The following LCT variants were observed in gnomAD, a reference collection of about 807,000 sequenced individuals.
LCT encodes lactase/phlorizin hydrolase.
In LCT, 90 loss-of-function variants were observed where a neutral mutation model predicts 173.0. That is an observed-to-expected ratio of 0.52 (90% confidence interval 0.44 to 0.62). The LOEUF is 0.62. Among genes scored for constraint, LCT ranks in the 20% least tolerant of loss-of-function variants. The pLI is 0.00. For missense variants in LCT, 1,864 were observed against 2,431.4 expected, an observed-to-expected ratio of 0.77 and a Z score of 4.91; for synonymous variants, 853 against 957.6, an observed-to-expected ratio of 0.89 and a Z score of 2.02.
intron 12 of LCT, among the ~76,000 whole-genome samples, chr2:135,799,768 C>T (rs1334681285): frequency 6.6e-6 from 1 of 152,154 alleles, no homozygotes; most frequent in Non-Finnish European, 1.5e-5. Context: ...AGTAATGTCT[C>T]TACTTCCTTG....
chr2:135,829,813 T>A, intron 2 of LCT, 137 bp from the exon 3 acceptor site: 1 of 647,566 alleles, frequency 1.5e-6, no homozygotes, highest in South Asian at 1.5e-5. Flanking sequence ...AAGGAAAAGA[T>A]GGAGATGGAA....
At chr2:135,824,829 C>G (rs1263713640) in intron 3 of LCT, among the ~76,000 whole-genome samples, 1 of 151,372 alleles carries the variant, frequency 6.6e-6, no homozygotes. Flanking sequence ...ATGGTGAAAC[C>G]CTGTCTTTAT....
chr2:135,793,583 G>T (rs564488511), intron 14 of LCT, among the ~76,000 whole-genome samples: 54 of 152,198 alleles, frequency 3.5e-4, no homozygotes, highest in South Asian at 1.2e-3. Context: ...ACCCCCAAAA[G>T]GTCGCACTAA....
chr2:135,835,976 GTATA>G lies in LCT; in HGVS notation c.640+550_640+553del, dbSNP rs745860913. 4.2e-3 allele frequency among the ~76,000 whole-genome samples: 341 copies of G among 80,400 alleles called. 3 individuals are homozygous for G. The highest frequency in any genetic ancestry group is 0.022 in the African/African-American group (330 of 14,984). 52.7% of individuals were successfully genotyped at this position (80,400 alleles called of 152,430 possible). A position where few individuals can be genotyped will look rare whatever the true frequency, so the allele number is the denominator to read the frequency against. On this transcript the variant is annotated intron_variant, in intron 1 of 16. Transcript: ENST00000264162. ...AGGGGTATTTCAAAAATACATGTGT[GTATA>G]TATATATATATATATATATATATAT...
chr2:135,837,044 G>C lies in LCT; in HGVS notation c.126C>G (p.Asn42Lys). The change falls in exon 1 of 17, where the codon AAC (asparagine) becomes AAG (lysine). Residue 42 changes from asparagine (N) to lysine (K), a missense_variant. Coordinates refer to ENST00000264162, the MANE Select transcript of LCT (RefSeq NM_002299.4). ...TCTGGTCTCCCAGGAGACCACTCAGGTTGTGCAGCAAGTCATTGGTTAGAG... is the reference window on the plus strand; with the variant it reads ...TCTGGTCTCCCAGGAGACCACTCAGCTTGTGCAGCAAGTCATTGGTTAGAG... ...AGPLTNDLLH[N>K]LSGLLGDQSS... is the part of the protein sequence containing the mutation. 1.9e-6 allele frequency: 3 copies of C among 1,614,104 alleles called. No individual in the cohort carries two copies. The highest frequency in any genetic ancestry group is 2.5e-6 in the Non-Finnish European group (3 of 1,180,010).
At chr2:135,801,872 C>T (rs1392005738) in intron 11 of LCT, among the ~76,000 whole-genome samples, 1 of 151,942 alleles carries the variant, frequency 6.6e-6, no homozygotes, top group African/African-American at 2.4e-5. Context: ...CCATACTCGG[C>T]CTATGATTAT....
chr2:135,819,609 G>A (rs1360373692), intron 5 of LCT, among the ~76,000 whole-genome samples: 1 of 152,134 alleles, frequency 6.6e-6, no homozygotes, highest in African/African-American at 2.4e-5. Flanking sequence ...AGCAGGAGGC[G>A]TCTTCCGAAC....
chr2:135,790,757 A>C lies in LCT; in HGVS notation c.5236T>G (p.Tyr1746Asp). Residue 1746 changes from tyrosine (Y) to aspartate (D), a missense_variant, in exon 15 of 17, where the codon TAT (tyrosine) becomes GAT (aspartate). Transcript: ENST00000264162. The surrounding 1 kb of genome is among the most constrained non-coding windows in gnomAD (Gnocchi z 4.1). ...LKEEYNDPPI[Y>D]VTENGVSQRE... ...TGGGACACTCCATTCTCTGTGACATAAATTGGAGGGTCATTGTATTCCTCC... is the reference window on the plus strand; with the variant it reads ...TGGGACACTCCATTCTCTGTGACATCAATTGGAGGGTCATTGTATTCCTCC... 6.2e-7 allele frequency: 1 copy of C among 1,613,808 alleles called. No individual in the cohort carries two copies. The highest frequency in any genetic ancestry group is 1.3e-5 in the African/African-American group (1 of 75,022).
intron 1 of LCT, among the ~76,000 whole-genome samples, chr2:135,835,118 G>C (rs2077975285): frequency 6.6e-6 from 1 of 151,632 alleles, no homozygotes; most frequent in Admixed American, 6.6e-5. Context: ...GAATGTCATT[G>C]CAACATAACT....
In LCT at chr2:135,788,122, C is replaced by CT. The variant is rs1449917678; in HGVS notation, c.*201dup. ...TGCTTCTCAAATGCCCAAATGAACTCTGATACTGGAGCAAGATGGAGATAT... is the reference window on the plus strand; with the variant it reads ...TGCTTCTCAAATGCCCAAATGAACTCTTGATACTGGAGCAAGATGGAGATAT... On this transcript the variant is annotated 3_prime_UTR_variant, in exon 17 of 17. Coordinates refer to ENST00000264162, the MANE Select transcript of LCT (RefSeq NM_002299.4). 4.9e-5 allele frequency: 30 copies of CT among 611,140 alleles called. No homozygotes were observed. In the East Asian group the frequency reaches 6.9e-4, roughly 14 times the overall value. 37.9% of individuals were successfully genotyped at this position (611,140 alleles called of 1,614,324 possible). A position where few individuals can be genotyped will look rare whatever the true frequency, so the allele number is the denominator to read the frequency against.
intron 12 of LCT, 85 bp downstream of exon 12, chr2:135,800,521 TA>T: frequency 8.4e-7 from 1 of 1,195,528 alleles, no homozygotes; most frequent in Non-Finnish European, 1.2e-6. Flanking sequence ...CACCACACCC[TA>T]AATCTTTGAT....
chr2:135,821,592 GA>G (rs748420475), intron 5 of LCT: 1 of 203,800 alleles, frequency 4.9e-6, no homozygotes, highest in Non-Finnish European at 1.0e-5. Context: ...GCGATCCTCT[GA>G]CCTCAGTCTC....
At position 135,812,321 on chromosome 2, in the gene LCT, C is replaced by T; in HGVS notation, c.2343G>A (p.Glu781=). 1 of 1,613,450 alleles carries T rather than the reference C, an allele frequency of 6.2e-7. No individual in the cohort carries two copies. The highest frequency in any genetic ancestry group is 8.5e-7 in the Non-Finnish European group (1 of 1,179,360). ...ATCCATTGTTCTTACCCTTGAGCAC[C>T]TCATTGATATATTGATTGAAGTAGT... ...RVDYFNQYIN[E]VLKAIKEDSV... The change falls in exon 7 of 17, where the codon GAG becomes GAA. Residue 781 remains glutamate (E), a synonymous_variant. Transcript: ENST00000264162.
intron 15 of LCT, 106 bp from the exon 16 acceptor site, chr2:135,789,904 C>G: frequency 5.8e-6 from 5 of 866,818 alleles, no homozygotes; most frequent in Non-Finnish European, 9.9e-6. Context: ...ACCGCCTTCA[C>G]AGATGGCGGT....
chr2:135,793,671 T>C (rs1303159544), intron 14 of LCT, among the ~76,000 whole-genome samples: 2 of 152,122 alleles, frequency 1.3e-5, no homozygotes, highest in African/African-American at 4.8e-5. Context: ...ATTATTAAAC[T>C]ACTCAAGGAG....
intron 7 of LCT, 54 bp from the exon 8 acceptor site, chr2:135,810,047 G>A (rs985748642): frequency 7.7e-7 from 1 of 1,296,632 alleles, no homozygotes; most frequent in Middle Eastern, 2.6e-4. Context: ...ATTTAATTGA[G>A]ATGGGGTCTC....
At position 135,812,600 on chromosome 2, in the gene LCT, G is replaced by A; in HGVS notation, c.2064C>T (p.Ser688=). ...TTTGTGGGGCGTTGCTGATGAGGCGGGAGGTGTAATGCGACAGACCCAGAA... is the reference window on the plus strand; with the variant it reads ...TTTGTGGGGCGTTGCTGATGAGGCGAGAGGTGTAATGCGACAGACCCAGAA... ...ADFLGLSHYT[S]RLISNAPQNT... The change falls in exon 7 of 17, where the codon TCC becomes TCT. Residue 688 remains serine, a synonymous_variant. Transcript: ENST00000264162. The A allele has an allele frequency of 6.2e-7, 1 of 1,612,500 alleles. No homozygotes were observed. Among genetic ancestry groups the A allele is most frequent in the Non-Finnish European group, 8.5e-7 (1 of 1,178,648 alleles).
At chr2:135,814,247 G>A (rs1235583115) in intron 6 of LCT, among the ~76,000 whole-genome samples, 12 of 152,040 alleles carry the variant, frequency 7.9e-5, no homozygotes, top group Non-Finnish European at 1.3e-4. Context: ...CCAAATATTC[G>A]TCTTTAGTTG....
Position 135,788,292 on chromosome 2 carries a change from G to A in LCT, c.*32C>T, listed in dbSNP as rs1454925433. The A allele has an allele frequency of 1.3e-6, 2 of 1,487,918 alleles. No individual in the cohort carries two copies. The highest frequency in any genetic ancestry group is 1.7e-5 in the Admixed American group (1 of 59,878). The allele number at this position is 1,487,918 out of a possible 1,614,324, so 92.2% of individuals were successfully genotyped here. ...CGGTAAACATAGATGAAGAAACTAG[G>A]CCTGCTTCATAGAACTTGAGGTGGT... On this transcript the variant is annotated 3_prime_UTR_variant, in exon 17 of 17. Transcript: ENST00000264162.
Sources: gnomAD v4.1 joint callset for allele counts (sites outside exome capture counted in the v4.1 genomes callset) on GRCh38, gnomAD v4.1.1 for gene constraint, Gnocchi (gnomAD v3.1) non-coding constraint, MANE v1.5 for transcripts, NCBI Gene and HGNC (gene_info 2026-07-23, HGNC 2026-07-21) for gene names.